The following KCNK9 variants were observed in gnomAD, a reference collection of about 807,000 sequenced individuals.
KCNK9 encodes potassium channel subfamily K member 9.
KCNK9 carries 1 observed loss-of-function variant against 10.8 expected under a neutral mutation model. The observed-to-expected ratio is 0.09, with a 90% CI of 0.03 to 0.44. KCNK9 has a LOEUF of 0.44. KCNK9 is among the 20% of genes least tolerant of loss of function. The probability of loss-of-function intolerance (pLI) is 0.97; values close to 1 mark genes in which losing one functional copy is unlikely to be tolerated. For synonymous variants in KCNK9, 231 were observed against 222.7 expected (o/e 1.04, Z -0.33); for missense variants, 303 against 515.0 (o/e 0.59, Z 3.98).
At chr8:139,602,677 T>C (rs975376906) in intron 2 of KCNK9, among the ~76,000 whole-genome samples, 3 of 152,162 alleles carry the variant, frequency 2.0e-5, no homozygotes, top group Non-Finnish European at 2.9e-5. Flanking sequence ...ACAGGGACAC[T>C]AAATGGTAGG....
downstream of KCNK9, among the ~76,000 whole-genome samples, chr8:139,610,846 G>C (rs187934412): frequency 6.6e-6 from 1 of 152,222 alleles, no homozygotes; most frequent in Non-Finnish European, 1.5e-5. Flanking sequence ...AGCTTGTGGA[G>C]GGCCTTGAGA....
At chr8:139,697,996 G>A (rs1412171195) in intron 1 of KCNK9, among the ~76,000 whole-genome samples, 1 of 152,184 alleles carries the variant, frequency 6.6e-6, no homozygotes, top group African/African-American at 2.4e-5. Flanking sequence ...CCACCCCATG[G>A]CGCCCTAGTA....
chr8:139,700,548 A>G (rs545340616), intron 1 of KCNK9, among the ~76,000 whole-genome samples: 2,459 of 146,750 alleles, frequency 0.017, 67 homozygotes, highest in African/African-American at 0.057. Flanking sequence ...ACGCGCGCAC[A>G]CACACACACA....
At chr8:139,679,496 G>A (rs1326041236) in intron 1 of KCNK9, among the ~76,000 whole-genome samples, 1 of 152,224 alleles carries the variant, frequency 6.6e-6, no homozygotes, top group East Asian at 1.9e-4. Context: ...ACAGTCTAGC[G>A]ATCATTCAGC....
intron 1 of KCNK9, among the ~76,000 whole-genome samples, chr8:139,674,217 A>G (rs1816498413): frequency 6.6e-6 from 1 of 152,274 alleles, no homozygotes; most frequent in African/African-American, 2.4e-5. Flanking sequence ...GGGCCCTGTG[A>G]TGGGCTGAGG....
intron 1 of KCNK9, among the ~76,000 whole-genome samples, chr8:139,695,418 A>G (rs756001031): frequency 2.0e-5 from 3 of 152,196 alleles, no homozygotes; most frequent in Non-Finnish European, 4.4e-5. Context: ...GCCCAGGGCT[A>G]TCCCCAAATC....
intron 2 of KCNK9, among the ~76,000 whole-genome samples, chr8:139,607,180 T>C (rs189327315): frequency 3.7e-4 from 56 of 152,320 alleles, no homozygotes; most frequent in Admixed American, 2.1e-3. Flanking sequence ...ACTTCTAAAA[T>C]TCCACGTGAG....
intron 1 of KCNK9, among the ~76,000 whole-genome samples, chr8:139,688,466 A>T (rs1487858143): frequency 6.6e-6 from 1 of 152,242 alleles, no homozygotes; most frequent in Admixed American, 6.5e-5. Flanking sequence ...CTTTAAAACC[A>T]TCAGCTCTAG....
At chr8:139,680,024 T>C (rs1455083154) in intron 1 of KCNK9, among the ~76,000 whole-genome samples, 1 of 152,144 alleles carries the variant, frequency 6.6e-6, no homozygotes, top group Non-Finnish European at 1.5e-5. Context: ...GGGTGCATGG[T>C]CTGGGGACCA....
intron 1 of KCNK9, among the ~76,000 whole-genome samples, chr8:139,641,915 G>A (rs2129647208): frequency 6.6e-6 from 1 of 152,310 alleles, no homozygotes; most frequent in South Asian, 2.1e-4. Context: ...GGCTGGCAGA[G>A]CTCAGCTTCT....
chr8:139,679,721 C>T (rs781764549), intron 1 of KCNK9, among the ~76,000 whole-genome samples: 3 of 152,164 alleles, frequency 2.0e-5, no homozygotes, highest in African/African-American at 4.8e-5. Context: ...TCAAAGAAGC[C>T]CAGGTTCTAC....
At chr8:139,620,959 C>T (rs1387385583) in intron 1 of KCNK9, among the ~76,000 whole-genome samples, 2 of 152,068 alleles carry the variant, frequency 1.3e-5, no homozygotes, top group Admixed American at 6.6e-5. Context: ...GAAAGAGAAT[C>T]AGACAAAAAG....
chr8:139,703,066 C>T lies in KCNK9; in HGVS notation c.-74G>A, dbSNP rs548947713. 13 of 1,282,572 alleles carry T rather than the reference C, an allele frequency of 1.0e-5. No homozygotes were observed. The highest frequency in any genetic ancestry group is 1.6e-5 in the African/African-American group (1 of 64,478). The allele number at this position is 1,282,572 out of a possible 1,614,324, so 79.4% of individuals were successfully genotyped here. Reference sequence around the variant, plus strand: ...GCCGCGCGCGTCCCACTGCAGCGCCCGGCGGCCGCCGCCGCCTCCTCCTCC... The same window carrying T: ...GCCGCGCGCGTCCCACTGCAGCGCCTGGCGGCCGCCGCCGCCTCCTCCTCC... On this transcript the variant is annotated 5_prime_UTR_variant, in exon 1 of 2. Coordinates refer to ENST00000520439, the MANE Select transcript of KCNK9 (RefSeq NM_001282534.2). The surrounding 1 kb of genome is among the most constrained non-coding windows in gnomAD (Gnocchi z 6.4).
chr8:139,611,083 C>CTTT (rs769058480), downstream of KCNK9, among the ~76,000 whole-genome samples: 1 of 152,242 alleles, frequency 6.6e-6, no homozygotes. Flanking sequence ...GACTTGATCA[C>CTTT]TTTTTTCTCC....
intron 1 of KCNK9, among the ~76,000 whole-genome samples, chr8:139,686,445 T>A (rs566099212): frequency 5.7e-4 from 87 of 152,236 alleles, no homozygotes; most frequent in African/African-American, 2.0e-3. Context: ...CATCAAAAAG[T>A]GGGCAAAGGA....
chr8:139,624,192 C>A (rs192831654), intron 1 of KCNK9, among the ~76,000 whole-genome samples: 123 of 152,348 alleles, frequency 8.1e-4, no homozygotes, highest in Non-Finnish European at 1.3e-3. Context: ...TTGCTGACAT[C>A]TAGGGGGATG....
chr8:139,636,030 G>T (rs73724471), intron 1 of KCNK9, among the ~76,000 whole-genome samples: 28 of 152,276 alleles, frequency 1.8e-4, no homozygotes, highest in African/African-American at 6.3e-4. Context: ...TTATGTTTTA[G>T]CCAAAAGCAC....
chr8:139,699,427 T>G (rs1817144650), intron 1 of KCNK9, among the ~76,000 whole-genome samples: 1 of 152,080 alleles, frequency 6.6e-6, no homozygotes, highest in East Asian at 1.9e-4. Flanking sequence ...GGGCGGGGGT[T>G]GGGGGGAAAC....
intron 1 of KCNK9, among the ~76,000 whole-genome samples, chr8:139,641,661 A>C: frequency 6.6e-6 from 1 of 150,676 alleles, no homozygotes; most frequent in African/African-American, 2.5e-5. Context: ...CTACACACCC[A>C]ATTTCCAGGA....
Sources: allele counts gnomAD v4.1 joint callset (sites outside exome capture counted in the v4.1 genomes callset), GRCh38; gene constraint gnomAD v4.1.1; non-coding constraint Gnocchi (gnomAD v3.1); transcripts MANE v1.5; gene names NCBI Gene and HGNC (gene_info 2026-07-23, HGNC 2026-07-21).